BRSK2: variants seen among roughly 807,000 people sequenced by gnomAD.
BRSK2 encodes serine/threonine-protein kinase BRSK2.
A neutral mutation model predicts 83.3 loss-of-function variants in BRSK2; 19 were observed. The observed-to-expected ratio is 0.23, with a 90% CI of 0.16 to 0.33. The LOEUF (loss-of-function observed/expected upper bound fraction) is 0.33, where lower values mean the gene tolerates loss of function less well. Among genes scored for constraint, BRSK2 ranks in the 10% least tolerant of loss-of-function variants. BRSK2 has a pLI of 1.00. For missense variants in BRSK2, 798 were observed against 1,042.3 expected (o/e 0.77, Z 3.23); for synonymous variants, 519 against 435.4 (o/e 1.19, Z -2.39).
At chr11:1,436,250 G>GGGGGGGGGGGGCC in intron 2 of BRSK2, 116 bp downstream of exon 2, 7 of 168,876 alleles carry the variant, frequency 4.1e-5, no homozygotes, top group South Asian at 4.0e-4. Flanking sequence ...GGGGGGGCGG[G>GGGGGGGGGGGGCC]CCCTGCAGGC....
At chr11:1,415,257 G>A (rs1847981519) in intron 1 of BRSK2, among the ~76,000 whole-genome samples, 1 of 151,974 alleles carries the variant, frequency 6.6e-6, no homozygotes, top group Non-Finnish European at 1.5e-5. Context: ...ACCACGCCTG[G>A]CTAATTTTTT....
chr11:1,404,344 C>G (rs372190961), intron 1 of BRSK2, among the ~76,000 whole-genome samples: 256 of 152,326 alleles, frequency 1.7e-3, no homozygotes, highest in African/African-American at 5.8e-3. Flanking sequence ...ATCACGTCCC[C>G]TCTTCAGGGG....
At chr11:1,450,932 C>T (rs1194666892) in intron 14 of BRSK2, 138 bp downstream of exon 14, 8 of 830,820 alleles carry the variant, frequency 9.6e-6, no homozygotes, top group Non-Finnish European at 1.5e-5. Context: ...CCACGTCTCA[C>T]TGTCCCGAAA....
At chr11:1,392,757 C>T (rs1035040241) in intron 1 of BRSK2, among the ~76,000 whole-genome samples, 4 of 152,242 alleles carry the variant, frequency 2.6e-5, no homozygotes, top group African/African-American at 7.2e-5. Flanking sequence ...TTCTGCCTTT[C>T]AGCGTGAGCG....
Position 1,438,508 on chromosome 11 carries a change from C to A in BRSK2, c.272+117C>A. 1 of 885,168 alleles carries A rather than the reference C, an allele frequency of 1.1e-6. No homozygotes were observed. 54.8% of individuals were successfully genotyped at this position (885,168 alleles called of 1,614,324 possible). On this transcript the variant is annotated intron_variant, in intron 3 of 19. Transcript: ENST00000528841. This position sits in a 1 kb window ranked among gnomAD's most constrained non-coding sequence, Gnocchi z 6.4. ...TGGAGGCCAGGGGCGCCTGCTGCAT[C>A]CCAGCAGCCCTGGCCCTGCTAGCAT... is the stretch of plus-strand genomic sequence containing the variant.
chr11:1,457,149 G>A (rs1466239981), intron 18 of BRSK2: 4 of 1,126,872 alleles, frequency 3.5e-6, no homozygotes, highest in Non-Finnish European at 1.2e-6. Flanking sequence ...CCACCCACAG[G>A]TCTCGGCCCT....
chr11:1,449,753 G>A, intron 12 of BRSK2, 23 bp from the exon 13 acceptor site: 2 of 1,609,690 alleles, frequency 1.2e-6, no homozygotes, highest in Non-Finnish European at 1.7e-6. Flanking sequence ...CTGAGCAGTG[G>A]CCCTGTACCT....
chr11:1,453,500 G>A (rs1846058576), intron 15 of BRSK2, among the ~76,000 whole-genome samples: 1 of 152,244 alleles, frequency 6.6e-6, no homozygotes, highest in Admixed American at 6.5e-5. Context: ...GTCAGGGCCA[G>A]TGGTGGCCCT....
chr11:1,438,425 C>A lies in BRSK2; in HGVS notation c.272+34C>A, dbSNP rs775143131. On this transcript the variant is annotated intron_variant, in intron 3 of 19. Transcript: ENST00000528841. This position sits in a 1 kb window ranked among gnomAD's most constrained non-coding sequence, Gnocchi z 6.4. Reference sequence around the variant, plus strand: ...TGCTGGGTCTGAAGAGCTGGGGTGGCGGAGGTGGCAGCTGTCGCTGCAGGG... The same window carrying A: ...TGCTGGGTCTGAAGAGCTGGGGTGGAGGAGGTGGCAGCTGTCGCTGCAGGG... 6.3e-7 allele frequency: 1 copy of A among 1,595,118 alleles called. No individual in the cohort carries two copies. Among genetic ancestry groups the A allele is most frequent in the South Asian group, 1.1e-5 (1 of 90,630 alleles).
intron 3 of BRSK2, among the ~76,000 whole-genome samples, chr11:1,439,771 T>TCTGCCCTGAGGGCTTCACACCTTCCC (rs1564844469): frequency 1.4e-4 from 16 of 118,294 alleles, no homozygotes; most frequent in Admixed American, 8.6e-5. Flanking sequence ...CACACCTTCC[T>TCTGCCCTGAGGGCTTCACACCTTCCC]CTGCCCTGAG....
At chr11:1,412,481 C>G (rs980281756) in intron 1 of BRSK2, among the ~76,000 whole-genome samples, 2 of 125,662 alleles carry the variant, frequency 1.6e-5, no homozygotes, top group South Asian at 2.4e-4. Flanking sequence ...GGTGGAGTCT[C>G]AGCTGTGCTG....
chr11:1,406,845 C>T (rs1401414463), intron 1 of BRSK2, among the ~76,000 whole-genome samples: 1 of 152,228 alleles, frequency 6.6e-6, no homozygotes, highest in African/African-American at 2.4e-5. Context: ...ACGAGGTACA[C>T]GCATGTGTGT....
intron 13 of BRSK2, among the ~76,000 whole-genome samples, chr11:1,450,358 G>C (rs1845668464): frequency 6.6e-6 from 1 of 152,116 alleles, no homozygotes; most frequent in Non-Finnish European, 1.5e-5. Context: ...AGGCCGCCCT[G>C]CGGCCCGACC....
chr11:1,445,259 A>G (rs748574767), intron 9 of BRSK2, 35 bp from the exon 10 acceptor site: 3 of 1,579,782 alleles, frequency 1.9e-6, no homozygotes, highest in Non-Finnish European at 2.6e-6. Flanking sequence ...GCCCGGCCGG[A>G]GCTGATGAGC....
At position 1,457,830 on chromosome 11, in the gene BRSK2, G is replaced by A. The variant is rs1590713232; in HGVS notation, c.1939+1143G>A. Among the ~76,000 whole-genome samples, 5 of 93,948 alleles carry A rather than the reference G, an allele frequency of 5.3e-5. No individual in the cohort carries two copies. The East Asian group carries it at 6.6e-4, about 12-fold the overall frequency. 61.6% of individuals were successfully genotyped at this position (93,948 alleles called of 152,430 possible). ...CCCAGAGTGTGCTTCACCTTGCTGC[G>A]GGCTGGGGGCTGAGGTCCCCAACAG... On this transcript the variant is annotated intron_variant, in intron 18 of 19. Coordinates refer to ENST00000528841, the MANE Select transcript of BRSK2 (RefSeq NM_001256627.2).
At chr11:1,455,309 C>A (rs1474223598) in intron 16 of BRSK2, among the ~76,000 whole-genome samples, 1 of 139,742 alleles carries the variant, frequency 7.2e-6, no homozygotes, top group Non-Finnish European at 1.6e-5. Context: ...GGGCTGCCCC[C>A]CACCCGCCTC....
chr11:1,462,503 G>C lies in BRSK2; in HGVS notation c.*1780G>C, dbSNP rs1294819666. On this transcript the variant is annotated 3_prime_UTR_variant, in exon 20 of 20. Coordinates refer to ENST00000528841, the MANE Select transcript of BRSK2 (RefSeq NM_001256627.2). ...CAGCAAACGCCAGGCGGTACAGGCG[G>C]GAAGGGGCTCTCCACGGAGATCGAG... 2 of 152,212 alleles carry C rather than the reference G, an allele frequency of 1.3e-5. No individual in the cohort carries two copies. Among genetic ancestry groups the C allele is most frequent in the African/African-American group, 4.8e-5 (2 of 41,412 alleles). The allele number at this position is 152,212 out of a possible 1,614,324, so 9.4% of individuals were successfully genotyped here.
In BRSK2 at chr11:1,443,261, C is replaced by T. The variant is rs1851602207; in HGVS notation, c.565-74C>T. ...AGGCTGCCTGTCCCCGGGCCGACTC[C>T]CTCTGAGCCCAGGCCCTCCAAGGCC... On this transcript the variant is annotated intron_variant, in intron 6 of 19. Coordinates refer to ENST00000528841, the MANE Select transcript of BRSK2 (RefSeq NM_001256627.2). 3 of 1,532,778 alleles carry T rather than the reference C, an allele frequency of 2.0e-6. No homozygotes were observed. In the Admixed American group the frequency reaches 5.9e-5, roughly 30 times the overall value. 94.9% of individuals were successfully genotyped at this position (1,532,778 alleles called of 1,614,324 possible).
intron 1 of BRSK2, among the ~76,000 whole-genome samples, chr11:1,396,736 T>TGGGCAGCCGGAGCA (rs1564791469): frequency 6.6e-6 from 1 of 152,232 alleles, no homozygotes; most frequent in Non-Finnish European, 1.5e-5. Context: ...GCAGCCCTGC[T>TGGGCAGCCGGAGCA]GGGCAGCCGG....
Sources: gnomAD v4.1 joint callset for allele counts (sites outside exome capture counted in the v4.1 genomes callset) on GRCh38, gnomAD v4.1.1 for gene constraint, Gnocchi (gnomAD v3.1) non-coding constraint, MANE v1.5 for transcripts, NCBI Gene and HGNC (gene_info 2026-07-23, HGNC 2026-07-21) for gene names.